ZNF131: variants seen among roughly 807,000 people sequenced by gnomAD.
ZNF131 encodes the protein zinc finger and BTB domain containing 35.
A neutral mutation model predicts 60.0 loss-of-function variants in ZNF131; 7 were observed. The ratio of observed to expected loss-of-function variants is 0.12; its 90% CI spans 0.07 to 0.22. ZNF131 has a LOEUF of 0.22. Ranked by LOEUF, ZNF131 falls within the 10% of genes least tolerant of loss-of-function variation. The pLI is 1.00. For synonymous variants in ZNF131, 257 were observed against 253.2 expected (o/e 1.01, Z -0.14); for missense variants, 493 against 740.9 (o/e 0.67, Z 3.88).
intron 3 of ZNF131, among the ~76,000 whole-genome samples, chr5:43,128,745 A>T (rs12659721): frequency 6.6e-6 from 1 of 150,978 alleles, no homozygotes; most frequent in Non-Finnish European, 1.5e-5. Context: ...GATTCCAAAG[A>T]TCAGGTACCA....
intron 3 of ZNF131, among the ~76,000 whole-genome samples, chr5:43,128,698 T>TA (rs907143430): frequency 9.3e-5 from 13 of 139,912 alleles, no homozygotes; most frequent in South Asian, 2.4e-4. Flanking sequence ...GTGCTCATAA[T>TA]AAAAAAAACA....
In ZNF131 at chr5:43,176,054, TACAGAGAAAG is replaced by T. The variant is rs1469871488; in HGVS notation, c.*925_*934del. 6.6e-6 allele frequency: 1 copy of T among 152,250 alleles called. No homozygotes were observed. The highest frequency in any genetic ancestry group is 2.4e-5 in the African/African-American group (1 of 41,458). 9.4% of individuals were successfully genotyped at this position (152,250 alleles called of 1,614,324 possible). The stretch of plus-strand genomic sequence containing the variant: ...AAAAATTAATGTATTTAAAATAAAG[TACAGAGAAAG>T]ACATGTATATAATTATCAGGCTTTG... On this transcript the variant is annotated 3_prime_UTR_variant, in exon 7 of 7. Coordinates refer to ENST00000682664, the MANE Select transcript of ZNF131 (RefSeq NM_001330707.2).
chr5:43,125,650 G>A (rs773182232), intron 3 of ZNF131, among the ~76,000 whole-genome samples: 2 of 151,710 alleles, frequency 1.3e-5, no homozygotes, highest in African/African-American at 2.4e-5. Context: ...CGTGGTGGTG[G>A]GCACCTGTAA....
In ZNF131 at chr5:43,162,969, CTT is replaced by C. The variant is rs1205635519; in HGVS notation, c.1054+1055_1054+1056del. ...TTTATACTTCTTTTCTTTTATTTGC[CTT>C]TTTTTTTTTTTTTTTTGGCAGATGG... On this transcript the variant is annotated intron_variant, in intron 5 of 6. Coordinates refer to ENST00000682664, the MANE Select transcript of ZNF131 (RefSeq NM_001330707.2). 2.2e-4 allele frequency among the ~76,000 whole-genome samples: 14 copies of C among 64,918 alleles called. No homozygotes were observed. In the East Asian group the frequency reaches 3.0e-3, roughly 14 times the overall value. The allele number at this position is 64,918 out of a possible 152,430, so 42.6% of individuals were successfully genotyped here. A position where few individuals can be genotyped will look rare whatever the true frequency, so the allele number is the denominator to read the frequency against.
At chr5:43,155,002 A>G (rs1456873709) in intron 4 of ZNF131, among the ~76,000 whole-genome samples, 7 of 152,216 alleles carry the variant, frequency 4.6e-5, no homozygotes, top group Non-Finnish European at 1.0e-4. Context: ...AGTTCTGCCC[A>G]CTGAGCAGAA....
intron 3 of ZNF131, among the ~76,000 whole-genome samples, chr5:43,128,172 A>G (rs780821365): frequency 1.3e-5 from 2 of 152,208 alleles, no homozygotes; most frequent in Non-Finnish European, 2.9e-5. Flanking sequence ...TATTCTGCGC[A>G]CTTCTGTTAT....
chr5:43,158,152 G>C (rs1046887544), intron 4 of ZNF131, among the ~76,000 whole-genome samples: 7 of 152,136 alleles, frequency 4.6e-5, no homozygotes, highest in African/African-American at 7.2e-5. Flanking sequence ...ATTTTTAGTA[G>C]AGACAGGGTT....
chr5:43,127,333 T>C (rs535032811), intron 3 of ZNF131, among the ~76,000 whole-genome samples: 1 of 152,320 alleles, frequency 6.6e-6, no homozygotes, highest in East Asian at 1.9e-4. Context: ...CAGAAAACTA[T>C]ATTTAAAAGT....
chr5:43,132,322 CT>C (rs908424622), intron 3 of ZNF131, among the ~76,000 whole-genome samples: 9 of 151,978 alleles, frequency 5.9e-5, no homozygotes, highest in Non-Finnish European at 1.5e-5. Flanking sequence ...TTTTTGTTTG[CT>C]TATTTGGTAG....
chr5:43,122,176 C>G lies in ZNF131; in HGVS notation c.123C>G (p.Asp41Glu). ...TTACTGACATCACCCTAATTGTCGA[C>G]GGTGGGTAGGGCAGTGGGCAGAGGA... Reference protein sequence around the residue: ...DRFTDITLIVDGHHFKAHKAV... With the variant: ...DRFTDITLIVEGHHFKAHKAV... Residue 41 changes from aspartate (D) to glutamate (E), a missense_variant and splice_region_variant, in exon 2 of 7, where the codon GAC (aspartate) becomes GAG (glutamate). Transcript: ENST00000682664. The G allele has an allele frequency of 6.2e-7, 1 of 1,611,688 alleles. No homozygotes were observed. Among genetic ancestry groups the G allele is most frequent in the Non-Finnish European group, 8.5e-7 (1 of 1,179,004 alleles).
intron 3 of ZNF131, among the ~76,000 whole-genome samples, chr5:43,129,021 C>T (rs1311388640): frequency 6.6e-6 from 1 of 152,120 alleles, no homozygotes; most frequent in African/African-American, 2.4e-5. Context: ...GCAGTCTCCG[C>T]CTCCCGGGTT....
At chr5:43,163,775 C>T (rs1279577878) in intron 5 of ZNF131, among the ~76,000 whole-genome samples, 1 of 152,194 alleles carries the variant, frequency 6.6e-6, no homozygotes, top group East Asian at 1.9e-4. Context: ...ACTGTTAATA[C>T]AGTAAATACA....
intron 3 of ZNF131, among the ~76,000 whole-genome samples, chr5:43,130,354 G>T (rs1452721376): frequency 6.6e-6 from 1 of 151,400 alleles, no homozygotes; most frequent in East Asian, 1.9e-4. Flanking sequence ...GATTCAGTAT[G>T]GTGGTGAGGG....
intron 4 of ZNF131, among the ~76,000 whole-genome samples, chr5:43,152,080 A>G (rs1222905850): frequency 6.6e-6 from 1 of 151,918 alleles, no homozygotes; most frequent in African/African-American, 2.4e-5. Context: ...ATCTTGGCTC[A>G]CTGCCTCTAC....
chr5:43,128,656 CAAAAAAAAA>C lies in ZNF131; in HGVS notation c.226+5359_226+5367del, dbSNP rs1170687481. Among the ~76,000 whole-genome samples, 61 of 70,128 alleles carry C rather than the reference CAAAAAAAAA, an allele frequency of 8.7e-4. 2 individuals carry two copies. The East Asian group carries it at 0.027, about 31-fold the overall frequency. 46.0% of individuals were successfully genotyped at this position (70,128 alleles called of 152,430 possible). On this transcript the variant is annotated intron_variant, in intron 3 of 6. Transcript: ENST00000682664. Reference sequence around the variant, plus strand: ...TGGGCGACAGAGCGAGACTCCATCTCAAAAAAAAAAAAAAAAAAAAACACACCTGGGGTG... The same window carrying C: ...TGGGCGACAGAGCGAGACTCCATCTCAAAAAAAAAAAACACACCTGGGGTG...
intron 5 of ZNF131, among the ~76,000 whole-genome samples, chr5:43,162,517 G>A (rs949248831): frequency 3.3e-5 from 5 of 150,988 alleles, no homozygotes; most frequent in African/African-American, 1.2e-4. Flanking sequence ...GCTTGAACCC[G>A]GGAGGCAGAG....
At chr5:43,121,509 C>G (rs1743798789) in intron 1 of ZNF131, 1 of 152,456 alleles carries the variant, frequency 6.6e-6, no homozygotes, top group South Asian at 2.0e-4. Flanking sequence ...GAGCTCGACG[C>G]GGTGACGGTG....
intron 3 of ZNF131, among the ~76,000 whole-genome samples, chr5:43,128,892 C>A (rs997673248): frequency 4.0e-5 from 6 of 151,882 alleles, no homozygotes; most frequent in Non-Finnish European, 8.8e-5. Flanking sequence ...AAGCACATAC[C>A]ACCAAGGCCA....
chr5:43,167,063 A>G (rs572175473), intron 5 of ZNF131, among the ~76,000 whole-genome samples: 1 of 152,278 alleles, frequency 6.6e-6, no homozygotes, highest in East Asian at 1.9e-4. Flanking sequence ...TAGAGGAGAG[A>G]GGGAGGGAAG....
Sources: gnomAD v4.1 joint callset for allele counts (sites outside exome capture counted in the v4.1 genomes callset) on GRCh38, gnomAD v4.1.1 for gene constraint, MANE v1.5 for transcripts, NCBI Gene and HGNC (gene_info 2026-07-23, HGNC 2026-07-21) for gene names.